Variants in MKLN1 observed in about 807,000 individuals in gnomAD.
MKLN1 encodes muskelin 1, also known as muskelin.
Under a neutral mutation model 99.0 loss-of-function variants are expected in MKLN1, and 18 were observed. The ratio of observed to expected loss-of-function variants is 0.18; its 90% CI spans 0.13 to 0.27. The LOEUF (loss-of-function observed/expected upper bound fraction) is 0.27, where lower values mean the gene tolerates loss of function less well. MKLN1 is among the 10% of genes least tolerant of loss of function. The probability of loss-of-function intolerance (pLI) is 1.00; values close to 1 mark genes in which losing one functional copy is unlikely to be tolerated. For missense variants in MKLN1, 621 were observed against 875.9 expected, an observed-to-expected ratio of 0.71 and a Z score of 3.67; for synonymous variants, 288 against 293.2, an observed-to-expected ratio of 0.98 and a Z score of 0.18.
intron 1 of MKLN1, among the ~76,000 whole-genome samples, chr7:131,330,952 T>A (rs1563296122): frequency 6.6e-6 from 1 of 152,190 alleles, no homozygotes; most frequent in African/African-American, 2.4e-5. Flanking sequence ...ACTTTTTTTC[T>A]GAAATTTACA....
At chr7:131,472,065 A>G (rs1224362054) in intron 16 of MKLN1, 3 of 152,264 alleles carry the variant, frequency 2.0e-5, no homozygotes, top group African/African-American at 7.2e-5. Flanking sequence ...CAGTCAATTC[A>G]TGACACTGTG....
chr7:131,162,007 G>T (rs1796061240), intron 2 of MKLN1, among the ~76,000 whole-genome samples: 1 of 110,816 alleles, frequency 9.0e-6, no homozygotes, highest in South Asian at 3.0e-4. Context: ...ATATGTAACA[G>T]AGTGATATAC....
Position 131,470,958 on chromosome 7 carries a change from G to T in MKLN1, c.2031+14G>T, listed in dbSNP as rs1306423096. On this transcript the variant is annotated intron_variant, in intron 16 of 17. Coordinates refer to ENST00000352689, the MANE Select transcript of MKLN1 (RefSeq NM_013255.5). Reference sequence around the variant, plus strand: ...GAGACAAAAGAGGTAAAGAAAGGTGGTAATAAATTTCAGAAATTAAGTATT... The same window carrying T: ...GAGACAAAAGAGGTAAAGAAAGGTGTTAATAAATTTCAGAAATTAAGTATT... 11 of 1,529,202 alleles carry T rather than the reference G, an allele frequency of 7.2e-6. No individual in the cohort carries two copies. The highest frequency in any genetic ancestry group is 1.2e-5 in the South Asian group (1 of 84,512). 94.7% of individuals were successfully genotyped at this position (1,529,202 alleles called of 1,614,324 possible).
Position 131,399,243 on chromosome 7 carries a change from C to T in MKLN1, c.513C>T (p.Tyr171=). ...VQPCLNWYSK[Y]REQEAIRLCL... ...ATACTTACTCTGTGTTCTAGTAGTA[C>T]CGTGAACAGGAAGCTATTCGCCTTT... Residue 171 remains tyrosine (Y), a splice_region_variant and synonymous_variant, in exon 6 of 18, where the codon TAC becomes TAT. Transcript: ENST00000352689. The T allele has an allele frequency of 3.1e-6, 5 of 1,613,228 alleles. No homozygotes were observed. Among genetic ancestry groups the T allele is most frequent in the Non-Finnish European group, 4.2e-6 (5 of 1,179,294 alleles).
chr7:131,164,284 G>T (rs543427895), intron 2 of MKLN1, among the ~76,000 whole-genome samples: 3 of 152,160 alleles, frequency 2.0e-5, no homozygotes, highest in East Asian at 3.9e-4. Flanking sequence ...GCTAATTTTT[G>T]TATCTTTTTT....
chr7:131,133,353 C>CTTT (rs1198245681), intron 1 of MKLN1, among the ~76,000 whole-genome samples: 245 of 93,458 alleles, frequency 2.6e-3, no homozygotes, highest in East Asian at 3.6e-3. Context: ...TTCTTTCTTT[C>CTTT]TTTTTTTTTT....
At position 131,491,582 on chromosome 7, in the gene MKLN1, C is replaced by A. The variant is rs914012234; in HGVS notation, c.*3854C>A. 6.6e-6 allele frequency: 1 copy of A among 152,160 alleles called. No homozygotes were observed. Among genetic ancestry groups the A allele is most frequent in the Non-Finnish European group, 1.5e-5 (1 of 68,020 alleles). 9.4% of individuals were successfully genotyped at this position (152,160 alleles called of 1,614,324 possible). On this transcript the variant is annotated 3_prime_UTR_variant, in exon 18 of 18. Coordinates refer to ENST00000352689, the MANE Select transcript of MKLN1 (RefSeq NM_013255.5). ...TATCCAAAGCTTCTAGTCTAGAGGT[C>A]TGTTGGTTGAAGGCAGACATTTCCA...
At chr7:131,465,669 G>C (rs1465595774) in intron 14 of MKLN1, among the ~76,000 whole-genome samples, 1 of 152,022 alleles carries the variant, frequency 6.6e-6, no homozygotes, top group Non-Finnish European at 1.5e-5. Context: ...CTCCCAGGTA[G>C]CTGGGACTAC....
intron 2 of MKLN1, among the ~76,000 whole-genome samples, chr7:131,173,332 T>C (rs947604463): frequency 6.6e-6 from 1 of 152,190 alleles, no homozygotes; most frequent in African/African-American, 2.4e-5. Context: ...TGTGAAATGA[T>C]TGGATTCTGG....
rs1411767559 is a variant in MKLN1, at chr7:131,331,590, G to A, written c.98+3593G>A. Reference sequence around the variant, plus strand: ...ACTTGTGCCCAGGAGTTTGAGACCAGCATGGGCAACACAATGAGACCCCAT... The same window carrying A: ...ACTTGTGCCCAGGAGTTTGAGACCAACATGGGCAACACAATGAGACCCCAT... On this transcript the variant is annotated intron_variant, in intron 1 of 17. Transcript: ENST00000352689. 4.6e-5 allele frequency among the ~76,000 whole-genome samples: 7 copies of A among 152,100 alleles called. No homozygotes were observed. In the East Asian group the frequency reaches 1.3e-3, roughly 29 times the overall value.
chr7:131,229,031 G>C (rs951222239), intron 3 of MKLN1, among the ~76,000 whole-genome samples: 1 of 152,162 alleles, frequency 6.6e-6, no homozygotes, highest in Non-Finnish European at 1.5e-5. Flanking sequence ...GGAGAGGCAG[G>C]GGTTACAGGC....
At chr7:131,423,949 T>G (rs181188399) in intron 8 of MKLN1, among the ~76,000 whole-genome samples, 1 of 152,316 alleles carries the variant, frequency 6.6e-6, no homozygotes, top group East Asian at 1.9e-4. Flanking sequence ...TATGTAAGAA[T>G]ACAGTTCTAT....
chr7:131,235,147 G>A (rs564595532), intron 3 of MKLN1, among the ~76,000 whole-genome samples: 8 of 152,112 alleles, frequency 5.3e-5, no homozygotes, highest in Non-Finnish European at 7.4e-5. Flanking sequence ...ACAAAAAGAC[G>A]TAGCTAGAAA....
At chr7:131,180,368 T>C (rs1455168760) in intron 2 of MKLN1, among the ~76,000 whole-genome samples, 1 of 152,146 alleles carries the variant, frequency 6.6e-6, no homozygotes, top group Non-Finnish European at 1.5e-5. Flanking sequence ...GTTTTTACCA[T>C]GAGGAACAAT....
chr7:131,472,246 A>G (rs950340718), intron 16 of MKLN1: 7 of 152,262 alleles, frequency 4.6e-5, no homozygotes, highest in African/African-American at 1.7e-4. Context: ...TATTCTATGT[A>G]AAATAGCTGT....
intron 3 of MKLN1, among the ~76,000 whole-genome samples, chr7:131,217,154 A>G (rs1796994719): frequency 6.6e-6 from 1 of 152,220 alleles, no homozygotes; most frequent in Non-Finnish European, 1.5e-5. Context: ...TTAGTATATA[A>G]ATATAATCAA....
At chr7:131,419,442 A>G (rs1200018311) in intron 8 of MKLN1, among the ~76,000 whole-genome samples, 1 of 151,696 alleles carries the variant, frequency 6.6e-6, no homozygotes, top group South Asian at 2.1e-4. Flanking sequence ...TTGTTGTGCC[A>G]TGTTGGCCAG....
In MKLN1 at chr7:131,238,150, A is replaced by G. The variant is rs535774603; in HGVS notation, c.-179+35176A>G. ...CGACAGAGTGAGACCCTGTCTCAAA[A>G]AAAACAAGCAAAAAGCTAAAGGGCT... On this transcript the variant is annotated intron_variant, in intron 3 of 7. Transcript: ENST00000416992. Among the ~76,000 whole-genome samples, 9 of 152,314 alleles carry G rather than the reference A, an allele frequency of 5.9e-5. No homozygotes were observed. In the East Asian group the frequency reaches 1.7e-3, roughly 29 times the overall value.
chr7:131,244,320 C>T (rs1797452758), intron 3 of MKLN1, among the ~76,000 whole-genome samples: 1 of 152,144 alleles, frequency 6.6e-6, no homozygotes, highest in Admixed American at 6.6e-5. Flanking sequence ...ATGACCCGCT[C>T]CTCCCTCCAA....
Sources: gnomAD v4.1 joint callset for allele counts (sites outside exome capture counted in the v4.1 genomes callset) on GRCh38, gnomAD v4.1.1 for gene constraint, MANE v1.5 for transcripts, NCBI Gene and HGNC (gene_info 2026-07-23, HGNC 2026-07-21) for gene names.